Variants in SKAP2 observed in about 807,000 individuals in gnomAD.
SKAP2 encodes the protein src kinase-associated phosphoprotein 2.
SKAP2 carries 28 observed loss-of-function variants against 54.9 expected under a neutral mutation model. The ratio of observed to expected loss-of-function variants is 0.51; its 90% CI spans 0.38 to 0.70. SKAP2 has a LOEUF of 0.70. Among genes scored for constraint, SKAP2 ranks in the 30% least tolerant of loss-of-function variants. The pLI is 0.00. For missense variants in SKAP2, 356 were observed against 424.1 expected (o/e 0.84, Z 1.41); for synonymous variants, 137 against 134.3 (o/e 1.02, Z -0.14).
chr7:26,753,198 A>G (rs1383255482), intron 4 of SKAP2, among the ~76,000 whole-genome samples: 1 of 152,216 alleles, frequency 6.6e-6, no homozygotes, highest in East Asian at 1.9e-4. Flanking sequence ...AGACAGACAT[A>G]GACATTCATG....
intron 4 of SKAP2, among the ~76,000 whole-genome samples, chr7:26,836,848 A>G (rs925480911): frequency 9.9e-5 from 15 of 152,232 alleles, no homozygotes; most frequent in African/African-American, 3.6e-4. Flanking sequence ...TGTATACCCA[A>G]AGGATTATAA....
chr7:26,732,095 G>T (rs1035189134), intron 6 of SKAP2, among the ~76,000 whole-genome samples: 2 of 152,170 alleles, frequency 1.3e-5, no homozygotes, highest in Admixed American at 1.3e-4. Context: ...GATTGTCAGG[G>T]ATAGGGCTTA....
downstream of SKAP2, among the ~76,000 whole-genome samples, chr7:26,663,759 A>T (rs1296398091): frequency 1.3e-5 from 2 of 151,956 alleles, no homozygotes; most frequent in Non-Finnish European, 2.9e-5. Flanking sequence ...ACATTGGAGG[A>T]GGTGGGAAGG....
chr7:26,709,480 CCTCTCTGCCCACTGAATCAAAGTAATTG>C (rs1005346448), intron 9 of SKAP2, among the ~76,000 whole-genome samples: 1 of 152,136 alleles, frequency 6.6e-6, no homozygotes, highest in Admixed American at 6.6e-5. Flanking sequence ...TCCAATGATT[CCTCTCTGCCCACTGAATCAAAGTAATTG>C]CCTGAAAGAT....
intron 1 of SKAP2, among the ~76,000 whole-genome samples, chr7:26,860,193 C>A (rs1340464054): frequency 4.6e-5 from 7 of 152,038 alleles, no homozygotes; most frequent in African/African-American, 1.7e-4. Flanking sequence ...GTATCAAGAG[C>A]CTTATATAGT....
intron 4 of SKAP2, among the ~76,000 whole-genome samples, chr7:26,801,329 A>T (rs1783910449): frequency 6.6e-6 from 1 of 152,234 alleles, no homozygotes; most frequent in Non-Finnish European, 1.5e-5. Flanking sequence ...AAAACGCTTT[A>T]AAAAACTGGG....
chr7:26,821,319 C>T (rs984696284), intron 4 of SKAP2, among the ~76,000 whole-genome samples: 1 of 151,978 alleles, frequency 6.6e-6, no homozygotes, highest in African/African-American at 2.4e-5. Flanking sequence ...TTCAAATGAA[C>T]GCCAAAGAAA....
downstream of SKAP2, among the ~76,000 whole-genome samples, chr7:26,666,169 T>C (rs757459066): frequency 4.6e-5 from 7 of 152,100 alleles, no homozygotes; most frequent in Admixed American, 6.6e-5. Flanking sequence ...CTCTATATGG[T>C]GTGTGTCTAT....
At chr7:26,702,481 G>A (rs910095654) in intron 9 of SKAP2, among the ~76,000 whole-genome samples, 3 of 152,090 alleles carry the variant, frequency 2.0e-5, no homozygotes, top group African/African-American at 7.2e-5. Context: ...AAGATATGAT[G>A]ATAATGATTG....
At chr7:26,771,683 A>G (rs1783193121) in intron 4 of SKAP2, among the ~76,000 whole-genome samples, 1 of 152,236 alleles carries the variant, frequency 6.6e-6, no homozygotes, top group Non-Finnish European at 1.5e-5. Flanking sequence ...CTGTTGGTTA[A>G]TAAATGTATG....
intron 4 of SKAP2, among the ~76,000 whole-genome samples, chr7:26,760,402 C>A (rs1782899902): frequency 6.6e-6 from 1 of 152,026 alleles, no homozygotes; most frequent in South Asian, 2.1e-4. Flanking sequence ...TGGTTATAGT[C>A]ACGCTCCCTT....
intron 9 of SKAP2, among the ~76,000 whole-genome samples, chr7:26,693,069 C>T (rs940349841): frequency 4.6e-5 from 7 of 151,996 alleles, no homozygotes; most frequent in African/African-American, 9.7e-5. Context: ...TGGTCGGTCA[C>T]GCCTGTAATC....
chr7:26,740,151 T>TAAA (rs60264987), intron 4 of SKAP2, among the ~76,000 whole-genome samples, 187 bp from the exon 5 acceptor site: 1 of 129,848 alleles, frequency 7.7e-6, no homozygotes, highest in African/African-American at 2.8e-5. Context: ...GTCTCAAAAG[T>TAAA]AAAAAAAAAA....
chr7:26,844,800 TTTCA>T (rs1784891053), intron 3 of SKAP2, among the ~76,000 whole-genome samples: 1 of 152,150 alleles, frequency 6.6e-6, no homozygotes, highest in African/African-American at 2.4e-5. Context: ...ACACTTTCAG[TTTCA>T]TTCAATGGTA....
intron 4 of SKAP2, 60 bp from the exon 5 acceptor site, chr7:26,740,024 A>C (rs545277935): frequency 9.7e-7 from 1 of 1,032,646 alleles, no homozygotes; most frequent in Non-Finnish European, 1.5e-6. Flanking sequence ...AGAATAAACA[A>C]GTGCCAGATC....
chr7:26,683,270 T>G (rs1464702259), intron 11 of SKAP2, among the ~76,000 whole-genome samples: 3 of 152,218 alleles, frequency 2.0e-5, no homozygotes, highest in African/African-American at 7.2e-5. Context: ...AAAGCTGTTA[T>G]CTTAACTCAG....
chr7:26,732,099 G>A (rs1787834858), intron 6 of SKAP2, among the ~76,000 whole-genome samples: 1 of 152,208 alleles, frequency 6.6e-6, no homozygotes, highest in Non-Finnish European at 1.5e-5. Flanking sequence ...GTCAGGGATA[G>A]GGCTTAGTTT....
chr7:26,859,056 ATT>A (rs913361950), intron 1 of SKAP2, among the ~76,000 whole-genome samples: 5 of 152,258 alleles, frequency 3.3e-5, no homozygotes, highest in African/African-American at 1.2e-4. Flanking sequence ...GGGCGCAAGA[ATT>A]GGGCTGAATC....
chr7:26,770,628 G>C (rs1205796997), intron 4 of SKAP2, among the ~76,000 whole-genome samples: 1 of 152,304 alleles, frequency 6.6e-6, no homozygotes, highest in East Asian at 1.9e-4. Flanking sequence ...TGCAAAGACT[G>C]TGGGAAAAGT....
Sources: gnomAD v4.1 joint callset for allele counts (sites outside exome capture counted in the v4.1 genomes callset) on GRCh38, gnomAD v4.1.1 for gene constraint, MANE v1.5 for transcripts, NCBI Gene and HGNC (gene_info 2026-07-23, HGNC 2026-07-21) for gene names.